OR52N5: variants seen among roughly 807,000 people sequenced by gnomAD.
OR52N5 encodes the protein olfactory receptor family 52 subfamily N member 5.
Under a neutral mutation model 14.1 loss-of-function variants are expected in OR52N5, and 10 were observed. That is an observed-to-expected ratio of 0.71 (90% CI 0.44 to 1.20). OR52N5 has a LOEUF of 1.20. Among genes scored for constraint, OR52N5 ranks in the 50% most tolerant of loss-of-function variants. OR52N5 has a pLI of 0.00. For synonymous variants in OR52N5, 116 were observed against 143.0 expected (o/e 0.81, Z 1.35); for missense variants, 361 against 403.2 (o/e 0.90, Z 0.90).
intron 2 of OR52N5, among the ~76,000 whole-genome samples, 194 bp from the exon 3 acceptor site, chr11:5,778,851 C>T (rs1168897766): frequency 7.2e-6 from 1 of 139,830 alleles, no homozygotes; most frequent in Non-Finnish European, 1.6e-5. Flanking sequence ...AAATGTAATT[C>T]CATAGCCATA....
Position 5,777,442 on chromosome 11 carries a change from C to T in OR52N5, c.*218G>A, listed in dbSNP as rs894722471. 8 of 313,850 alleles carry T rather than the reference C, an allele frequency of 2.5e-5. 1 individual carries two copies. The highest frequency in any genetic ancestry group is 4.6e-5 in the Non-Finnish European group (8 of 175,476). The allele number at this position is 313,850 out of a possible 1,614,324, so 19.4% of individuals were successfully genotyped here. A position where few individuals can be genotyped will look rare whatever the true frequency, so the allele number is the denominator to read the frequency against. ...CAATTTAAATAAATTGAGTTAAACT[C>T]ATTTTTTAAAAACTGGCAATAGACA... On this transcript the variant is annotated 3_prime_UTR_variant, in exon 3 of 3. Coordinates refer to ENST00000641181, the MANE Select transcript of OR52N5 (RefSeq NM_001385662.1).
intron 1 of OR52N5, among the ~76,000 whole-genome samples, 172 bp downstream of exon 1, chr11:5,783,123 A>C (rs1046787246): frequency 5.7e-5 from 8 of 139,272 alleles, no homozygotes; most frequent in African/African-American, 2.1e-4. Context: ...TACAAGTACT[A>C]TCTCTGCTTT....
chr11:5,778,688 A>C, intron 2 of OR52N5, 31 bp from the exon 3 acceptor site: 86 of 1,203,768 alleles, frequency 7.1e-5, no homozygotes, highest in Non-Finnish European at 9.3e-5. Flanking sequence ...AACAAATTTC[A>C]TTCAAATTTT....
In OR52N5 at chr11:5,777,527, C is replaced by G. The variant is rs1854504491; in HGVS notation, c.*133G>C. Reference sequence around the variant, plus strand: ...GAATGGGCTATAAATTTCCCCAAAACAGTTTCAGAAAACATAGACTGAGAG... The same window carrying G: ...GAATGGGCTATAAATTTCCCCAAAAGAGTTTCAGAAAACATAGACTGAGAG... On this transcript the variant is annotated 3_prime_UTR_variant, in exon 3 of 3. Transcript: ENST00000641181. The G allele has an allele frequency of 4.2e-6, 3 of 715,648 alleles. No individual in the cohort carries two copies. Among genetic ancestry groups the G allele is most frequent in the Non-Finnish European group, 6.1e-6 (3 of 493,570 alleles). 44.3% of individuals were successfully genotyped at this position (715,648 alleles called of 1,614,324 possible). A position where few individuals can be genotyped will look rare whatever the true frequency, so the allele number is the denominator to read the frequency against.
chr11:5,777,381 CATT>C lies in OR52N5; in HGVS notation c.*276_*278del. Reference sequence around the variant, plus strand: ...CTGTAAGGTTTATATATATTTAAAACATTATGTTATATATGACATATTTAACTT... The same window carrying C: ...CTGTAAGGTTTATATATATTTAAAACATGTTATATATGACATATTTAACTT... On this transcript the variant is annotated 3_prime_UTR_variant, in exon 3 of 3. Transcript: ENST00000641181. 5.0e-6 allele frequency: 1 copy of C among 201,066 alleles called. No homozygotes were observed. The highest frequency in any genetic ancestry group is 1.0e-4 in the East Asian group (1 of 9,704). 12.5% of individuals were successfully genotyped at this position (201,066 alleles called of 1,614,324 possible).
Position 5,778,078 on chromosome 11 carries a change from G to A in OR52N5, c.557C>T (p.Thr186Met), listed in dbSNP as rs766003251. ...PFCQSNIISH[T>M]YCDHMSVVKL... ...TACTACAGACATGTGGTCGCAGTACGTATGGGAGATAATATTGCTTTGGCA... is the reference window on the plus strand; with the variant it reads ...TACTACAGACATGTGGTCGCAGTACATATGGGAGATAATATTGCTTTGGCA... The change falls in exon 3 of 3, where the codon ACG becomes ATG. Residue 186 changes from threonine to methionine, a missense_variant. Coordinates refer to ENST00000641181, the MANE Select transcript of OR52N5 (RefSeq NM_001385662.1). The A allele has an allele frequency of 5.3e-6, 8 of 1,518,942 alleles. 1 individual carries two copies. Among genetic ancestry groups the A allele is most frequent in the African/African-American group, 1.4e-5 (1 of 70,218 alleles). The allele number at this position is 1,518,942 out of a possible 1,614,324, so 94.1% of individuals were successfully genotyped here. A position where few individuals can be genotyped will look rare whatever the true frequency, so the allele number is the denominator to read the frequency against.
Position 5,777,687 on chromosome 11 carries a change from G to T in OR52N5, c.948C>A (p.Phe316Leu). Reference protein sequence around the residue: ...TKQIRKSVIKFFQGDKGAG With the variant: ...TKQIRKSVIKLFQGDKGAG ...AACCTGCACCCTTATCACCCTGGAAGAACTTTATGACACTCTTGCGTATCT... is the reference window on the plus strand; with the variant it reads ...AACCTGCACCCTTATCACCCTGGAATAACTTTATGACACTCTTGCGTATCT... The change falls in exon 3 of 3, where the codon TTC becomes TTA. Residue 316 changes from phenylalanine to leucine, a missense_variant. Phe to Leu is a conservative substitution (Grantham distance 22). Coordinates refer to ENST00000641181, the MANE Select transcript of OR52N5 (RefSeq NM_001385662.1). 1 of 1,490,024 alleles carries T rather than the reference G, an allele frequency of 6.7e-7. No homozygotes were observed. The highest frequency in any genetic ancestry group is 1.2e-5 in the South Asian group (1 of 80,250). 92.3% of individuals were successfully genotyped at this position (1,490,024 alleles called of 1,614,324 possible). A position where few individuals can be genotyped will look rare whatever the true frequency, so the allele number is the denominator to read the frequency against.
In OR52N5 at chr11:5,777,665, C is replaced by G; in HGVS notation, c.970G>C (p.Gly324Arg). The change falls in exon 3 of 3, where the codon GGT becomes CGT. Residue 324 changes from glycine (G) to arginine (R), a missense_variant. Coordinates refer to ENST00000641181, the MANE Select transcript of OR52N5 (RefSeq NM_001385662.1). ...IKFFQGDKGA[G>R] ...CTGAATTAAGTTGCCTTGAATCAAC[C>G]TGCACCCTTATCACCCTGGAAGAAC... 6.8e-7 allele frequency: 1 copy of G among 1,461,606 alleles called. No homozygotes were observed. The highest frequency in any genetic ancestry group is 9.2e-7 in the Non-Finnish European group (1 of 1,084,120). 90.5% of individuals were successfully genotyped at this position (1,461,606 alleles called of 1,614,324 possible).
rs1408559950 is a variant in OR52N5, at chr11:5,780,624, GACT to G, written c.-24+906_-24+908del. ...AACAGACATACAAAGGTTCATAAGA[GACT>G]ACTATGAACAATTATACACCAATAA... On this transcript the variant is annotated intron_variant, in intron 2 of 2. Transcript: ENST00000641181. Among the ~76,000 whole-genome samples the G allele has an allele frequency of 2.2e-5, 3 of 138,996 alleles. 1 individual carries two copies. Among genetic ancestry groups the G allele is most frequent in the Non-Finnish European group, 4.8e-5 (3 of 62,956 alleles). 91.2% of individuals were successfully genotyped at this position (138,996 alleles called of 152,430 possible). A position where few individuals can be genotyped will look rare whatever the true frequency, so the allele number is the denominator to read the frequency against.
rs985612328 is a variant in OR52N5 at position 5,783,345 on chromosome 11, G to T, written c.-298C>A. 2.1e-5 allele frequency: 3 copies of T among 139,652 alleles called. 1 individual carries two copies. The highest frequency in any genetic ancestry group is 1.5e-4 in the Admixed American group (2 of 13,520). The allele number at this position is 139,652 out of a possible 1,614,324, so 8.7% of individuals were successfully genotyped here. On this transcript the variant is annotated 5_prime_UTR_variant, in exon 1 of 3. Coordinates refer to ENST00000641181, the MANE Select transcript of OR52N5 (RefSeq NM_001385662.1). ...TGATGTGAAAGGTGTTCATGCCAGGGAGAGGGCCCAGGAATGCATGTGATG... is the reference window on the plus strand; with the variant it reads ...TGATGTGAAAGGTGTTCATGCCAGGTAGAGGGCCCAGGAATGCATGTGATG...
In OR52N5 at chr11:5,782,818, T is replaced by C. The variant is rs537920424; in HGVS notation, c.-248+477A>G. Among the ~76,000 whole-genome samples, 6 of 139,220 alleles carry C rather than the reference T, an allele frequency of 4.3e-5. 3 individuals are homozygous for C. The East Asian group carries it at 1.3e-3, about 29-fold the overall frequency. The allele number at this position is 139,220 out of a possible 152,430, so 91.3% of individuals were successfully genotyped here. On this transcript the variant is annotated intron_variant, in intron 1 of 2. Coordinates refer to ENST00000641181, the MANE Select transcript of OR52N5 (RefSeq NM_001385662.1). The stretch of plus-strand genomic sequence containing the variant: ...GACAGTACCCAGCTTAAAAAAAGAA[T>C]ACTCAACAAATTGGAGTTGTATTGA...
At position 5,778,238 on chromosome 11, in the gene OR52N5, C is replaced by T. The variant is rs12360738; in HGVS notation, c.397G>A (p.Val133Ile). ...VLMLMALDRY[V>I]AICYPLRYAT... is the part of the protein sequence containing the mutation. ...TAACGCAAAGGGTAGCAAATGGCTA[C>T]ATAGCGGTCTAGAGCCATGAGCATG... Residue 133 changes from valine (V) to isoleucine (I), a missense_variant, in exon 3 of 3, where the codon GTA (valine) becomes ATA (isoleucine). Transcript: ENST00000641181. 0.16 allele frequency: 238,555 copies of T among 1,519,382 alleles called. 57,553 individuals carry two copies. Among genetic ancestry groups the T allele is most frequent in the East Asian group, 0.29 (12,276 of 42,742 alleles). 94.1% of individuals were successfully genotyped at this position (1,519,382 alleles called of 1,614,324 possible). A position where few individuals can be genotyped will look rare whatever the true frequency, so the allele number is the denominator to read the frequency against.
At position 5,777,886 on chromosome 11, in the gene OR52N5, C is replaced by A. The variant is rs1386711925; in HGVS notation, c.749G>T (p.Cys250Phe). ...SDARQKAFST[C>F]TAHISAIIIT... ...GATGATGGCAGATATATGGGCAGTG[C>A]AGGTGCTGAAAGCCTTCTGCCGAGC... Residue 250 changes from cysteine (C) to phenylalanine (F), a missense_variant, in exon 3 of 3, where the codon TGC becomes TTC. Coordinates refer to ENST00000641181, the MANE Select transcript of OR52N5 (RefSeq NM_001385662.1). 12 of 1,520,422 alleles carry A rather than the reference C, an allele frequency of 7.9e-6. 3 individuals carry two copies. The highest frequency in any genetic ancestry group is 1.1e-5 in the Non-Finnish European group (12 of 1,113,970). 94.2% of individuals were successfully genotyped at this position (1,520,422 alleles called of 1,614,324 possible).
rs371946025 is a variant in OR52N5 at position 5,778,243 on chromosome 11, C to T, written c.392G>A (p.Arg131His). ...SGVLMLMALD[R>H]YVAICYPLRY... ...CAAAGGGTAGCAAATGGCTACATAG[C>T]GGTCTAGAGCCATGAGCATGAGCAC... The change falls in exon 3 of 3, where the codon CGC becomes CAC. Residue 131 changes from arginine to histidine, a missense_variant. Coordinates refer to ENST00000641181, the MANE Select transcript of OR52N5 (RefSeq NM_001385662.1). 26 of 1,519,748 alleles carry T rather than the reference C, an allele frequency of 1.7e-5. 8 individuals are homozygous for T. Among genetic ancestry groups the T allele is most frequent in the South Asian group, 8.2e-5 (7 of 85,808 alleles). The allele number at this position is 1,519,748 out of a possible 1,614,324, so 94.1% of individuals were successfully genotyped here.
At chr11:5,780,715 A>G (rs1443985190) in intron 2 of OR52N5, among the ~76,000 whole-genome samples, 3 of 139,584 alleles carry the variant, frequency 2.1e-5, no homozygotes, top group Non-Finnish European at 3.2e-5. Context: ...GAAAGATGAA[A>G]CAGAAAAGAA....
rs183250955 is a variant in OR52N5, at chr11:5,779,982, T to A, written c.-23-1325A>T. Among the ~76,000 whole-genome samples the A allele has an allele frequency of 7.1e-5, 10 of 140,364 alleles. 2 individuals carry two copies. 92.1% of individuals were successfully genotyped at this position (140,364 alleles called of 152,430 possible). ...AACTTTTAAATCAGAAAATTTCTTA[T>A]ATCAGCTCTTTCTTTCTAACACCAC... On this transcript the variant is annotated intron_variant, in intron 2 of 2. Coordinates refer to ENST00000641181, the MANE Select transcript of OR52N5 (RefSeq NM_001385662.1).
At chr11:5,781,094 C>T (rs1854546350) in intron 2 of OR52N5, among the ~76,000 whole-genome samples, 1 of 140,142 alleles carries the variant, frequency 7.1e-6, no homozygotes, top group African/African-American at 2.6e-5. Flanking sequence ...CATAGGTTTC[C>T]TTAGATCAGA....
intron 2 of OR52N5, among the ~76,000 whole-genome samples, chr11:5,780,495 A>C (rs1854540085): frequency 7.2e-6 from 1 of 139,496 alleles, no homozygotes; most frequent in Admixed American, 7.4e-5. Context: ...TGAAAACACA[A>C]AATGAAAATT....
rs956505712 is a variant in OR52N5, at chr11:5,782,445, C to G, written c.-247-689G>C. ...TATATTTGCTTAATATTTGAATTAA[C>G]TGGTGAATTTAATCACACTCTTATA... On this transcript the variant is annotated intron_variant, in intron 1 of 2. Coordinates refer to ENST00000641181, the MANE Select transcript of OR52N5 (RefSeq NM_001385662.1). Among the ~76,000 whole-genome samples the G allele has an allele frequency of 1.2e-4, 17 of 139,976 alleles. 3 individuals are homozygous for G. Among genetic ancestry groups the G allele is most frequent in the African/African-American group, 4.4e-4 (17 of 38,236 alleles). The allele number at this position is 139,976 out of a possible 152,430, so 91.8% of individuals were successfully genotyped here.
Sources: allele counts gnomAD v4.1 joint callset (sites outside exome capture counted in the v4.1 genomes callset), GRCh38; gene constraint gnomAD v4.1.1; transcripts MANE v1.5; gene names NCBI Gene and HGNC (gene_info 2026-07-23, HGNC 2026-07-21).